SLC24A2: variants seen among roughly 807,000 people sequenced by gnomAD.
SLC24A2 encodes the protein solute carrier family 24 member 2, also known as sodium/potassium/calcium exchanger 2.
A neutral mutation model predicts 62.0 loss-of-function variants in SLC24A2; 36 were observed. The ratio of observed to expected loss-of-function variants is 0.58; its 90% CI spans 0.44 to 0.77. The LOEUF is 0.77. Among genes scored for constraint, SLC24A2 ranks in the 30% least tolerant of loss-of-function variants. The probability of loss-of-function intolerance (pLI) is 0.00; values close to 1 mark genes in which losing one functional copy is unlikely to be tolerated. For missense variants in SLC24A2, 846 were observed against 817.9 expected, an observed-to-expected ratio of 1.03 and a Z score of -0.42; for synonymous variants, 358 against 294.0, an observed-to-expected ratio of 1.22 and a Z score of -2.23.
the SLC24A2 span, among the ~76,000 whole-genome samples, chr9:19,969,470 A>G: frequency 1.3e-5 from 2 of 152,152 alleles, no homozygotes; most frequent in Non-Finnish European, 2.9e-5. Context: ...TTTCTCTTCA[A>G]TATGAAAGTC....
At chr9:20,009,672 T>A in the SLC24A2 span, among the ~76,000 whole-genome samples, 1 of 152,142 alleles carries the variant, frequency 6.6e-6, no homozygotes, top group Non-Finnish European at 1.5e-5. Flanking sequence ...CCCTGTCCAA[T>A]GCTAGTAGTG....
chr9:19,570,850 G>A (rs1055514220), intron 7 of SLC24A2, among the ~76,000 whole-genome samples: 6 of 152,098 alleles, frequency 3.9e-5, no homozygotes, highest in Non-Finnish European at 7.4e-5. Flanking sequence ...TGACCTGCAG[G>A]CCCAGGTCAC....
chr9:19,962,379 G>C, the SLC24A2 span, among the ~76,000 whole-genome samples: 11 of 152,316 alleles, frequency 7.2e-5, no homozygotes, highest in African/African-American at 2.4e-4. Context: ...CTTTAAAGTA[G>C]TTTTTTCCAA....
the SLC24A2 span, among the ~76,000 whole-genome samples, chr9:20,221,057 C>A: frequency 1.3e-5 from 2 of 152,126 alleles, no homozygotes; most frequent in African/African-American, 4.8e-5. Flanking sequence ...GCATTCTTAT[C>A]CTTATCACCA....
chr9:20,015,547 A>G, the SLC24A2 span, among the ~76,000 whole-genome samples: 1 of 152,192 alleles, frequency 6.6e-6, no homozygotes, highest in Non-Finnish European at 1.5e-5. Flanking sequence ...TGCAAATGTC[A>G]CTGTGGCCAA....
chr9:19,803,070 C>A, the SLC24A2 span, among the ~76,000 whole-genome samples: 1 of 152,144 alleles, frequency 6.6e-6, no homozygotes, highest in Admixed American at 6.6e-5. Context: ...GACTTCTCAG[C>A]CTCTAGAACT....
chr9:19,779,394 T>C (rs1406137881), intron 2 of SLC24A2, among the ~76,000 whole-genome samples: 1 of 152,192 alleles, frequency 6.6e-6, no homozygotes, highest in Non-Finnish European at 1.5e-5. Flanking sequence ...AGGAGCAATG[T>C]TTACATGGAT....
At position 19,515,195 on chromosome 9, in the gene SLC24A2, A is replaced by T. The variant is rs1415622911; in HGVS notation, c.*958T>A. 1 of 152,110 alleles carries T rather than the reference A, an allele frequency of 6.6e-6. No individual in the cohort carries two copies. The highest frequency in any genetic ancestry group is 1.5e-5 in the Non-Finnish European group (1 of 68,010). The allele number at this position is 152,110 out of a possible 1,614,324, so 9.4% of individuals were successfully genotyped here. A position where few individuals can be genotyped will look rare whatever the true frequency, so the allele number is the denominator to read the frequency against. ...GTCTTGCTGTCCTAGAAAAAGCACT[A>T]ATTTGGTTTGTAGTCATATTTTCTA... On this transcript the variant is annotated 3_prime_UTR_variant, in exon 11 of 11. Transcript: ENST00000341998.
chr9:19,575,008 C>A (rs907976454), intron 6 of SLC24A2, among the ~76,000 whole-genome samples: 12 of 151,952 alleles, frequency 7.9e-5, no homozygotes, highest in Non-Finnish European at 1.8e-4. Flanking sequence ...ATTTCCATCA[C>A]TGGTGCTTAA....
chr9:19,548,411 G>A (rs1490992773), intron 8 of SLC24A2, among the ~76,000 whole-genome samples: 1 of 152,118 alleles, frequency 6.6e-6, no homozygotes, highest in Non-Finnish European at 1.5e-5. Flanking sequence ...TTGTGCCTAA[G>A]TTTCTTTCTA....
intron 4 of SLC24A2, among the ~76,000 whole-genome samples, chr9:19,609,778 G>A (rs902291303): frequency 4.6e-4 from 70 of 152,292 alleles, no homozygotes; most frequent in African/African-American, 1.7e-3. Context: ...TTTTCCATGG[G>A]TGGGTGTGGG....
At chr9:19,557,973 C>T (rs1222941127) in intron 7 of SLC24A2, among the ~76,000 whole-genome samples, 2 of 151,950 alleles carry the variant, frequency 1.3e-5, no homozygotes, top group Non-Finnish European at 2.9e-5. Flanking sequence ...GTATGCACCA[C>T]CATGGCTAAT....
the SLC24A2 span, among the ~76,000 whole-genome samples, chr9:20,036,846 A>G: frequency 4.0e-5 from 6 of 151,772 alleles, no homozygotes; most frequent in African/African-American, 1.5e-4. Context: ...GTGTATATAT[A>G]TGTGTGTGTG....
At chr9:20,280,464 G>C in the SLC24A2 span, among the ~76,000 whole-genome samples, 5 of 152,214 alleles carry the variant, frequency 3.3e-5, no homozygotes, top group Non-Finnish European at 7.3e-5. Flanking sequence ...GGAGGCACCA[G>C]CCTGGTAAGG....
At chr9:20,021,830 C>T in the SLC24A2 span, among the ~76,000 whole-genome samples, 100 of 152,088 alleles carry the variant, frequency 6.6e-4, 1 homozygote, top group African/African-American at 2.2e-3. Flanking sequence ...CCCAAGCAGC[C>T]GTCATCACCT....
At chr9:19,613,042 G>C (rs968491225) in intron 4 of SLC24A2, among the ~76,000 whole-genome samples, 1 of 152,298 alleles carries the variant, frequency 6.6e-6, no homozygotes, top group Admixed American at 6.5e-5. Context: ...ATGAAGTGGG[G>C]ATGATGAGAT....
At chr9:19,901,351 A>G in the SLC24A2 span, among the ~76,000 whole-genome samples, 1 of 152,196 alleles carries the variant, frequency 6.6e-6, no homozygotes, top group African/African-American at 2.4e-5. Flanking sequence ...GTTAACTAAA[A>G]AAATCATGAG....
chr9:20,080,783 A>G, the SLC24A2 span, among the ~76,000 whole-genome samples: 5 of 152,256 alleles, frequency 3.3e-5, no homozygotes, highest in East Asian at 9.6e-4. Flanking sequence ...ATTTACAAGA[A>G]AAAAACAAAC....
At chr9:19,681,039 A>C (rs1255703802) in intron 2 of SLC24A2, among the ~76,000 whole-genome samples, 1 of 152,020 alleles carries the variant, frequency 6.6e-6, no homozygotes, top group African/African-American at 2.4e-5. Context: ...CCCTGCACAA[A>C]ATGTTGTCAG....
Sources: gnomAD v4.1 joint callset for allele counts (sites outside exome capture counted in the v4.1 genomes callset) on GRCh38, gnomAD v4.1.1 for gene constraint, MANE v1.5 for transcripts, NCBI Gene and HGNC (gene_info 2026-07-23, HGNC 2026-07-21) for gene names.